BEST1: variants seen among roughly 807,000 people sequenced by gnomAD.
BEST1 encodes the protein bestrophin-1.
A neutral mutation model predicts 63.3 loss-of-function variants in BEST1; 58 were observed. That is an observed-to-expected ratio of 0.92 (90% CI 0.74 to 1.14). The LOEUF is 1.14. Among genes scored for constraint, BEST1 ranks in the 50% most tolerant of loss-of-function variants. The probability of loss-of-function intolerance (pLI) is 0.00; values close to 1 mark genes in which losing one functional copy is unlikely to be tolerated. For synonymous variants in BEST1, 283 were observed against 291.6 expected (o/e 0.97, Z 0.30); for missense variants, 671 against 740.1 (o/e 0.91, Z 1.08).
In BEST1 at chr11:61,964,441, TAATA is replaced by T. The variant is rs1216662323; in HGVS notation, c.*324_*327del. On this transcript the variant is annotated 3_prime_UTR_variant, in exon 11 of 11. Transcript: ENST00000378043. ...AGTATACTGCCCAAACTAATGAGTT[TAATA>T]AATACAAATACTCGTTTCTTTTTGA... 2 of 616,046 alleles carry T rather than the reference TAATA, an allele frequency of 3.2e-6. No homozygotes were observed. The highest frequency in any genetic ancestry group is 5.6e-6 in the Non-Finnish European group (2 of 355,346). The allele number at this position is 616,046 out of a possible 1,614,324, so 38.2% of individuals were successfully genotyped here.
At chr11:61,963,871 G>A in intron 10 of BEST1, 5 of 1,335,606 alleles carry the variant, frequency 3.7e-6, no homozygotes, top group Admixed American at 3.0e-5. Flanking sequence ...TGGGCGTCGT[G>A]GTGTGCCTGT....
chr11:61,952,075 C>T, intron 2 of BEST1, 117 bp downstream of exon 2: 1 of 1,287,934 alleles, frequency 7.8e-7, no homozygotes, highest in South Asian at 1.2e-5. Flanking sequence ...CAAGACTAAG[C>T]TGAGCTCCTG....
rs909268 is a variant in BEST1 at position 61,956,231 on chromosome 11, A to T, written c.481+280A>T. On this transcript the variant is annotated intron_variant, in intron 4 of 10. Transcript: ENST00000378043. ...TGGAAAGAAGGGTGACGGCTTGGGAACTGGTGAGGTACTAGGGTCTACTTC... is the reference window on the plus strand; with the variant it reads ...TGGAAAGAAGGGTGACGGCTTGGGATCTGGTGAGGTACTAGGGTCTACTTC... Among the ~76,000 whole-genome samples the T allele has an allele frequency of 0.39, 58,895 of 151,724 alleles. 13,399 individuals are homozygous for T. The highest frequency in any genetic ancestry group is 0.88 in the East Asian group (4,486 of 5,110).
At chr11:61,959,606 C>T in intron 8 of BEST1, 28 bp downstream of exon 8, 1 of 1,612,118 alleles carries the variant, frequency 6.2e-7, no homozygotes, top group Non-Finnish European at 8.5e-7. Flanking sequence ...GAAACCATAC[C>T]ATGGACCTTC....
intron 10 of BEST1, 169 bp from the exon 11 acceptor site, chr11:61,963,935 T>A (rs1449184161): frequency 2.1e-6 from 3 of 1,440,832 alleles, no homozygotes; most frequent in African/African-American, 2.9e-5. Context: ...GAGGTGGTGG[T>A]TGCAGTGAGA....
chr11:61,958,441 TC>T, intron 7 of BEST1, 143 bp downstream of exon 7: 2 of 1,541,292 alleles, frequency 1.3e-6, no homozygotes, highest in Non-Finnish European at 8.7e-7. Flanking sequence ...ACACCTGTAA[TC>T]CCAGCTACTC....
At chr11:61,964,981 A>G, downstream of BEST1, 1 of 1,613,842 alleles carries the variant, frequency 6.2e-7, no homozygotes, top group Non-Finnish European at 8.5e-7. Flanking sequence ...GGGTTCCAAT[A>G]CTCACATGGG....
At chr11:61,959,278 A>G (rs1941776886) in intron 7 of BEST1, 2 of 601,978 alleles carry the variant, frequency 3.3e-6, no homozygotes, top group Admixed American at 5.2e-5. Flanking sequence ...GTGGGTGTTC[A>G]GGGAAGGACT....
chr11:61,962,097 C>G, intron 9 of BEST1, 158 bp from the exon 10 acceptor site: 1 of 727,652 alleles, frequency 1.4e-6, no homozygotes. Flanking sequence ...AGGTACAGGA[C>G]AGATCAGGAG....
chr11:61,952,852 A>T (rs2134415223), intron 2 of BEST1, among the ~76,000 whole-genome samples: 1 of 152,242 alleles, frequency 6.6e-6, no homozygotes, highest in Admixed American at 6.5e-5. Flanking sequence ...TCGCGTCTGT[A>T]ATCCCAGCAC....
chr11:61,964,061 G>T (rs771570160), intron 10 of BEST1, 43 bp from the exon 11 acceptor site: 1 of 1,612,850 alleles, frequency 6.2e-7, no homozygotes, highest in Non-Finnish European at 8.5e-7. Flanking sequence ...TGAAATGAAG[G>T]GACCTTCCAT....
At position 61,955,093 on chromosome 11, in the gene BEST1, A is replaced by ACCCCCCCCC; in HGVS notation, c.153-9_153-8insCCCCCCCCC. The ACCCCCCCCC allele has an allele frequency of 8.6e-7, 1 of 1,166,958 alleles. No individual in the cohort carries two copies. The highest frequency in any genetic ancestry group is 1.3e-6 in the Non-Finnish European group (1 of 790,238). 72.3% of individuals were successfully genotyped at this position (1,166,958 alleles called of 1,614,324 possible). ...GCTGCGTCCACACAATTCCACCCCC[A>ACCCCCCCCC]CCCCCACCCCCAGGCTGGCCCTCAC... On this transcript the variant is annotated splice_polypyrimidine_tract_variant and intron_variant, in intron 2 of 10. Coordinates refer to ENST00000378043, the MANE Select transcript of BEST1 (RefSeq NM_004183.4).
Position 61,962,264 on chromosome 11 carries a change from AGAG to A in BEST1, c.1114_1116del (p.Glu372del), listed in dbSNP as rs750298564. The A allele has an allele frequency of 6.8e-6, 11 of 1,614,100 alleles. No homozygotes were observed. In the South Asian group the frequency reaches 8.8e-5, roughly 13 times the overall value. ...TCCTGTTTCTTTCCAGCCTGAACAA[AGAG>A]GAGATGGAGTTCCAGCCCAATCAGG... is the stretch of plus-strand genomic sequence containing the variant. On this transcript the variant is annotated inframe_deletion, in exon 10 of 11. Transcript: ENST00000378043.
In BEST1 at chr11:61,957,460, C is replaced by T; in HGVS notation, c.710C>T (p.Thr237Ile). 6.2e-7 allele frequency: 1 copy of T among 1,613,954 alleles called. No homozygotes were observed. Among genetic ancestry groups the T allele is most frequent in the South Asian group, 1.1e-5 (1 of 91,076 alleles). ...TGGATTAGTATCCCACTGGTGTATA[C>T]ACAGGTGAGGACTAGGCTGGTGAGG... ...YDWISIPLVY[T>I]QVVTVAVYSF... is the part of the protein sequence containing the mutation. Residue 237 changes from threonine (T) to isoleucine (I), a missense_variant, in exon 6 of 11, where the codon ACA becomes ATA. Physicochemically the swap from Thr to Ile is moderately conservative, Grantham distance 89 (BLOSUM62 -1). Coordinates refer to ENST00000378043, the MANE Select transcript of BEST1 (RefSeq NM_004183.4).
upstream of BEST1, chr11:61,950,155 C>T (rs1428205752): frequency 6.6e-6 from 1 of 152,480 alleles, no homozygotes; most frequent in Non-Finnish European, 1.5e-5. Flanking sequence ...CAGCCCTGGT[C>T]TCAGCCCAAC....
At chr11:61,958,896 ACACACACACATACACACACACACACACG>A (rs759653149) in intron 7 of BEST1, 5 of 88,428 alleles carry the variant, frequency 5.7e-5, no homozygotes, top group South Asian at 4.7e-4. Flanking sequence ...ACACACACAC[ACACACACACATACACACACACACACACG>A]CATTCCTATT....
At position 61,955,963 on chromosome 11, in the gene BEST1, G is replaced by A. The variant is rs888828739; in HGVS notation, c.481+12G>A. The A allele has an allele frequency of 1.9e-6, 3 of 1,542,612 alleles. No homozygotes were observed. The highest frequency in any genetic ancestry group is 1.4e-5 in the African/African-American group (1 of 72,904). On this transcript the variant is annotated intron_variant, in intron 4 of 10. Transcript: ENST00000378043. Reference sequence around the variant, plus strand: ...CCTGGTGCAAGCAGGTGGGCGGACCGGGAGCAACGGGGAGGCACCGGGCAG... The same window carrying A: ...CCTGGTGCAAGCAGGTGGGCGGACCAGGAGCAACGGGGAGGCACCGGGCAG...
intron 3 of BEST1, 175 bp downstream of exon 3, chr11:61,955,376 G>A: frequency 6.8e-7 from 1 of 1,469,890 alleles, no homozygotes; most frequent in Non-Finnish European, 9.0e-7. Flanking sequence ...TGAAACTGAA[G>A]TTAGACGTTA....
intron 7 of BEST1, chr11:61,958,628 G>A: frequency 1.0e-5 from 6 of 575,590 alleles, no homozygotes; most frequent in Non-Finnish European, 1.9e-5. Context: ...AGGCAGATCG[G>A]CACCACCTCT....
Sources: gnomAD v4.1 joint callset for allele counts (sites outside exome capture counted in the v4.1 genomes callset) on GRCh38, gnomAD v4.1.1 for gene constraint, MANE v1.5 for transcripts, NCBI Gene and HGNC (gene_info 2026-07-23, HGNC 2026-07-21) for gene names.